The following NREP variants were observed in gnomAD, a reference collection of about 807,000 sequenced individuals.
NREP encodes the protein neuronal regeneration-related protein.
Under a neutral mutation model 8.6 loss-of-function variants are expected in NREP, and 5 were observed. That is an observed-to-expected ratio of 0.58 (90% CI 0.30 to 1.22). The LOEUF (loss-of-function observed/expected upper bound fraction) is 1.22, where lower values mean the gene tolerates loss of function less well. NREP is among the 50% of genes most tolerant of loss of function. The pLI, the probability that NREP is intolerant of heterozygous loss-of-function variation, is 0.07. For synonymous variants in NREP, 27 were observed against 28.0 expected (o/e 0.96, Z 0.11); for missense variants, 86 against 82.5 (o/e 1.04, Z -0.17).
chr5:111,826,084 G>C (rs1430221492), intron 2 of NREP, among the ~76,000 whole-genome samples: 1 of 152,058 alleles, frequency 6.6e-6, no homozygotes, highest in Non-Finnish European at 1.5e-5. Flanking sequence ...CTCCCAGTGA[G>C]AGGTGAAGCC....
intron 1 of NREP, among the ~76,000 whole-genome samples, chr5:111,976,424 G>T (rs1756965178): frequency 6.6e-6 from 1 of 152,174 alleles, no homozygotes; most frequent in African/African-American, 2.4e-5. Flanking sequence ...CCCAAAAGCT[G>T]AGGCTCAGCC....
chr5:111,938,710 C>T (rs543674487), intron 2 of NREP, among the ~76,000 whole-genome samples: 7 of 151,946 alleles, frequency 4.6e-5, no homozygotes, highest in Non-Finnish European at 7.4e-5. Context: ...TGCCTTCGTA[C>T]GTGTAAAGTA....
At chr5:111,742,659 C>T (rs1240960572) in intron 2 of NREP, among the ~76,000 whole-genome samples, 1 of 152,086 alleles carries the variant, frequency 6.6e-6, no homozygotes, top group African/African-American at 2.4e-5. Context: ...TAAAACCATT[C>T]ATTACGTGAG....
intron 2 of NREP, among the ~76,000 whole-genome samples, chr5:111,889,659 A>G (rs1283008377): frequency 4.6e-5 from 7 of 152,174 alleles, no homozygotes; most frequent in African/African-American, 1.7e-4. Context: ...AAAACAAGTT[A>G]TTTGCTTTCA....
intron 2 of NREP, among the ~76,000 whole-genome samples, chr5:111,940,760 G>A (rs2112615586): frequency 6.6e-6 from 1 of 152,048 alleles, no homozygotes; most frequent in South Asian, 2.1e-4. Context: ...TCTCACTTCT[G>A]GTACTCACTG....
At chr5:111,758,795 A>C (rs1000393940), upstream of NREP, among the ~76,000 whole-genome samples, 1 of 152,256 alleles carries the variant, frequency 6.6e-6, no homozygotes, top group African/African-American at 2.4e-5. Context: ...GCAATACTTT[A>C]CACTCACAAT....
intron 2 of NREP, among the ~76,000 whole-genome samples, chr5:111,753,149 T>A (rs1423680115): frequency 6.6e-6 from 1 of 151,664 alleles, no homozygotes; most frequent in Non-Finnish European, 1.5e-5. Flanking sequence ...AATGTTCTGT[T>A]CAACTAAGAT....
exon 1 of NREP, chr5:111,976,930 C>A (rs1756982848): frequency 1.9e-6 from 1 of 533,822 alleles, no homozygotes; most frequent in South Asian, 2.2e-5. Context: ...AACAGTCATT[C>A]TGAACCATAA....
chr5:111,966,835 A>T (rs556815984), intron 2 of NREP, among the ~76,000 whole-genome samples: 3 of 152,194 alleles, frequency 2.0e-5, no homozygotes, highest in African/African-American at 7.2e-5. Flanking sequence ...TTTGTCCACT[A>T]TGTAAGGGAA....
chr5:111,758,226 C>T (rs1750859780), upstream of NREP: 4 of 985,404 alleles, frequency 4.1e-6, no homozygotes, highest in East Asian at 2.3e-4. Flanking sequence ...CGTGCACACA[C>T]ACACGTGCAC....
intron 2 of NREP, among the ~76,000 whole-genome samples, chr5:111,843,986 C>T (rs1753095704): frequency 6.6e-6 from 1 of 152,206 alleles, no homozygotes; most frequent in East Asian, 1.9e-4. Flanking sequence ...ACTATATGCT[C>T]TTTAACAGAG....
intron 2 of NREP, among the ~76,000 whole-genome samples, chr5:111,881,393 G>C (rs1279494590): frequency 6.6e-6 from 1 of 152,194 alleles, no homozygotes; most frequent in Admixed American, 6.5e-5. Flanking sequence ...TTCACCTCTG[G>C]GGGGCAGGGC....
intron 2 of NREP, among the ~76,000 whole-genome samples, chr5:111,849,898 T>C (rs775470911): frequency 6.6e-6 from 1 of 152,058 alleles, no homozygotes; most frequent in Non-Finnish European, 1.5e-5. Context: ...AGTGAAGGAA[T>C]TACCTTAGAC....
At chr5:111,880,609 C>G (rs75975842) in intron 2 of NREP, among the ~76,000 whole-genome samples, 8 of 151,978 alleles carry the variant, frequency 5.3e-5, no homozygotes, top group Admixed American at 5.2e-4. Flanking sequence ...AAGACTTCAA[C>G]TAAATCCTTT....
chr5:111,816,234 G>C (rs1045112624), intron 2 of NREP, among the ~76,000 whole-genome samples: 1 of 152,142 alleles, frequency 6.6e-6, no homozygotes, highest in African/African-American at 2.4e-5. Context: ...GCTTTGCCAA[G>C]AGGCCCGCCT....
At chr5:111,820,305 C>T (rs560034078) in intron 2 of NREP, among the ~76,000 whole-genome samples, 98 of 152,280 alleles carry the variant, frequency 6.4e-4, no homozygotes, top group Non-Finnish European at 1.2e-3. Flanking sequence ...GGGATGTGCA[C>T]GTTGAACAAC....
rs1426255426 is a variant in NREP at position 111,934,259 on chromosome 5, T to C, written c.135+41015A>G. Among the ~76,000 whole-genome samples, 4 of 152,064 alleles carry C rather than the reference T, an allele frequency of 2.6e-5. No individual in the cohort carries two copies. In the East Asian group the frequency reaches 7.8e-4, roughly 30 times the overall value. ...CATACGTTGGGTTATAAATTGACTG[T>C]TGTCTCTTGGGGCAAGCTCCTGTTA... On this transcript the variant is annotated intron_variant, in intron 2 of 3. Transcript: ENST00000395634.
intron 2 of NREP, among the ~76,000 whole-genome samples, chr5:111,901,749 G>A (rs901308763): frequency 6.6e-6 from 1 of 152,020 alleles, no homozygotes; most frequent in Non-Finnish European, 1.5e-5. Context: ...ACTTAGCCAA[G>A]AAAGTGAAAA....
At chr5:111,770,039 G>A (rs1425872914) in intron 2 of NREP, among the ~76,000 whole-genome samples, 1 of 152,178 alleles carries the variant, frequency 6.6e-6, no homozygotes, top group Non-Finnish European at 1.5e-5. Context: ...GAGATAATGT[G>A]ACTGGACTAT....
Sources: gnomAD v4.1 joint callset for allele counts (sites outside exome capture counted in the v4.1 genomes callset) on GRCh38, gnomAD v4.1.1 for gene constraint, MANE v1.5 for transcripts, NCBI Gene and HGNC (gene_info 2026-07-23, HGNC 2026-07-21) for gene names.